Variants in SYT16 observed in about 807,000 individuals in gnomAD.
SYT16 encodes the protein synaptotagmin-16.
In SYT16, 42 loss-of-function variants were observed where a neutral mutation model predicts 61.4. The ratio of observed to expected loss-of-function variants is 0.68; its 90% CI spans 0.53 to 0.89. SYT16 has a LOEUF of 0.89. Ranked by LOEUF, SYT16 falls within the 40% of genes least tolerant of loss-of-function variation. The pLI, the probability that SYT16 is intolerant of heterozygous loss-of-function variation, is 0.00. For missense variants in SYT16, 804 were observed against 807.3 expected, an observed-to-expected ratio of 1.00 and a Z score of 0.05; for synonymous variants, 314 against 302.3, an observed-to-expected ratio of 1.04 and a Z score of -0.40.
intron 3 of SYT16, among the ~76,000 whole-genome samples, chr14:62,014,834 T>C (rs2053604531): frequency 1.3e-5 from 2 of 152,216 alleles, no homozygotes; most frequent in Non-Finnish European, 2.9e-5. Flanking sequence ...TATTTTCTCA[T>C]ACAAAAAGCC....
chr14:62,053,785 A>G (rs1029616506), intron 3 of SYT16, among the ~76,000 whole-genome samples: 10 of 152,230 alleles, frequency 6.6e-5, no homozygotes, highest in Non-Finnish European at 1.0e-4. Flanking sequence ...CTGTATGACA[A>G]TTATGAAAAT....
chr14:61,888,968 T>A (rs890122054), intron 1 of SYT16, among the ~76,000 whole-genome samples: 2 of 152,202 alleles, frequency 1.3e-5, no homozygotes, highest in Non-Finnish European at 2.9e-5. Context: ...AGGATCACAT[T>A]CACTGTAGGA....
intron 1 of SYT16, among the ~76,000 whole-genome samples, chr14:61,832,954 ACTT>A (rs1471864347): frequency 1.3e-5 from 2 of 151,994 alleles, no homozygotes; most frequent in African/African-American, 4.8e-5. Flanking sequence ...TATTGTTTTC[ACTT>A]CTTAAGGTGT....
chr14:62,073,665 C>G (rs898619720), intron 4 of SYT16, among the ~76,000 whole-genome samples: 3 of 152,100 alleles, frequency 2.0e-5, no homozygotes, highest in African/African-American at 7.2e-5. Context: ...AAGTTCTGCC[C>G]CGAGGATCTG....
chr14:61,854,448 A>G (rs908355241), intron 1 of SYT16, among the ~76,000 whole-genome samples: 1 of 152,226 alleles, frequency 6.6e-6, no homozygotes, highest in African/African-American at 2.4e-5. Flanking sequence ...ACGCGCGTGC[A>G]CATGCTTATA....
In SYT16 at chr14:62,065,078, G is replaced by A. The variant is rs1431600513; in HGVS notation, c.524-4525G>A. Among the ~76,000 whole-genome samples the A allele has an allele frequency of 5.9e-5, 9 of 152,232 alleles. 1 individual carries two copies. In the South Asian group the frequency reaches 1.9e-3, roughly 32 times the overall value. On this transcript the variant is annotated intron_variant, in intron 3 of 7. Transcript: ENST00000683842. ...ATGCACTCACATCTACACTACTACTGCCCTTTTCACTGCTCTGCTCTACCT... is the reference window on the plus strand; with the variant it reads ...ATGCACTCACATCTACACTACTACTACCCTTTTCACTGCTCTGCTCTACCT...
Position 62,100,892 on chromosome 14 carries a change from A to G in SYT16, c.*185A>G. 1 of 612,120 alleles carries G rather than the reference A, an allele frequency of 1.6e-6. No homozygotes were observed. The highest frequency in any genetic ancestry group is 4.5e-4 in the Middle Eastern group (1 of 2,226). The allele number at this position is 612,120 out of a possible 1,614,324, so 37.9% of individuals were successfully genotyped here. ...TTTGGATTTAAATATTGTAATTTTA[A>G]AAACACACATACACAGTGAAGTGTC... On this transcript the variant is annotated 3_prime_UTR_variant, in exon 8 of 8. Coordinates refer to ENST00000683842, the MANE Select transcript of SYT16 (RefSeq NM_001367656.1).
intron 1 of SYT16, among the ~76,000 whole-genome samples, chr14:61,954,278 T>C (rs915544079): frequency 3.3e-5 from 5 of 152,142 alleles, no homozygotes; most frequent in African/African-American, 1.2e-4. Flanking sequence ...CTAGTTCTTG[T>C]TGTGAGTCAG....
intron 1 of SYT16, chr14:61,897,476 T>G (rs1464867821): frequency 6.6e-6 from 1 of 152,212 alleles, no homozygotes; most frequent in Non-Finnish European, 1.5e-5. Flanking sequence ...TTGTGGTTCT[T>G]AAAGTCTGCT....
intron 1 of SYT16, among the ~76,000 whole-genome samples, chr14:61,839,820 G>C (rs1398853035): frequency 6.6e-6 from 1 of 151,576 alleles, no homozygotes; most frequent in Non-Finnish European, 1.5e-5. Context: ...GTTCCTCAGG[G>C]CTAACTGTAT....
At chr14:61,871,558 A>G (rs562371322) in intron 1 of SYT16, among the ~76,000 whole-genome samples, 1 of 152,076 alleles carries the variant, frequency 6.6e-6, no homozygotes, top group Non-Finnish European at 1.5e-5. Flanking sequence ...GGATCACTTC[A>G]TTCATTTATT....
At chr14:61,878,447 C>T in intron 1 of SYT16, among the ~76,000 whole-genome samples, 1 of 152,262 alleles carries the variant, frequency 6.6e-6, no homozygotes, top group South Asian at 2.1e-4. Context: ...ATTTTCATGA[C>T]TCTCAAATGC....
chr14:61,920,973 G>C (rs2049313393), intron 1 of SYT16, among the ~76,000 whole-genome samples: 1 of 152,158 alleles, frequency 6.6e-6, no homozygotes, highest in East Asian at 1.9e-4. Flanking sequence ...CAACTAAAGA[G>C]CCTCAGCCTT....
At chr14:61,856,962 A>G (rs2046795443) in intron 1 of SYT16, among the ~76,000 whole-genome samples, 1 of 152,178 alleles carries the variant, frequency 6.6e-6, no homozygotes, top group African/African-American at 2.4e-5. Context: ...AGAATGATCA[A>G]CCATGTCAAA....
chr14:62,048,808 G>T (rs35288256), intron 3 of SYT16, among the ~76,000 whole-genome samples: 56,394 of 152,060 alleles, frequency 0.37, 14,515 homozygotes, highest in African/African-American at 0.74. Flanking sequence ...TCTGAATCCT[G>T]AGTTCTAGTT....
intron 1 of SYT16, among the ~76,000 whole-genome samples, chr14:61,895,338 A>T (rs1398042624): frequency 1.3e-5 from 2 of 152,070 alleles, no homozygotes; most frequent in African/African-American, 4.8e-5. Flanking sequence ...TTTGCCAGTG[A>T]CTTTGGGATG....
In SYT16 at chr14:62,102,955, T is replaced by TAAGGG. The variant is rs2057449722; in HGVS notation, c.*2253_*2257dup. The TAAGGG allele has an allele frequency of 6.6e-6, 1 of 152,190 alleles. No individual in the cohort carries two copies. The highest frequency in any genetic ancestry group is 2.4e-5 in the African/African-American group (1 of 41,442). The allele number at this position is 152,190 out of a possible 1,614,324, so 9.4% of individuals were successfully genotyped here. A position where few individuals can be genotyped will look rare whatever the true frequency, so the allele number is the denominator to read the frequency against. The stretch of plus-strand genomic sequence containing the variant: ...CAGTTTACAGGAATGCGCACCATTT[T>TAAGGG]AAGGGAAGGAATGCCTGAAAACATT... On this transcript the variant is annotated 3_prime_UTR_variant, in exon 8 of 8. Transcript: ENST00000683842.
intron 1 of SYT16, among the ~76,000 whole-genome samples, chr14:61,964,499 A>G (rs907659755): frequency 3.3e-5 from 5 of 152,194 alleles, no homozygotes; most frequent in African/African-American, 1.2e-4. Flanking sequence ...TCAAACTTGA[A>G]CAGATGAAAA....
chr14:61,850,736 C>G (rs952156719), intron 1 of SYT16, among the ~76,000 whole-genome samples: 15 of 152,028 alleles, frequency 9.9e-5, no homozygotes, highest in African/African-American at 3.6e-4. Context: ...TCTATTTGCC[C>G]TATTATGTGT....
Sources: gnomAD v4.1 joint callset for allele counts (sites outside exome capture counted in the v4.1 genomes callset) on GRCh38, gnomAD v4.1.1 for gene constraint, MANE v1.5 for transcripts, NCBI Gene and HGNC (gene_info 2026-07-23, HGNC 2026-07-21) for gene names.